Variants in CMYA5 observed in about 807,000 individuals in gnomAD.
CMYA5 encodes cardiomyopathy-associated protein 5.
A neutral mutation model predicts 318.9 loss-of-function variants in CMYA5; 246 were observed. The ratio of observed to expected loss-of-function variants is 0.77; its 90% CI spans 0.70 to 0.86. The LOEUF (loss-of-function observed/expected upper bound fraction) is 0.86. CMYA5 is among the 40% of genes least tolerant of loss of function. CMYA5 has a pLI of 0.00. For synonymous variants in CMYA5, 1,641 were observed against 1,729.5 expected (o/e 0.95, Z 1.27); for missense variants, 4,589 against 4,678.2 (o/e 0.98, Z 0.56).
At position 79,736,433 on chromosome 5, in the gene CMYA5, A is replaced by G. The variant is rs1828069651; in HGVS notation, c.7668A>G (p.Glu2556=). ...TTTCAGAAGGAAAGAAGCAGCAGGA[A>G]CATCAGCCTTATTCTGTGAATGTAG... ...YVLSEGKKQQ[E]HQPYSVNVAE... is the part of the protein sequence containing the mutation. The change falls in exon 2 of 13, where the codon GAA becomes GAG. Residue 2556 remains glutamate (E), a synonymous_variant. Coordinates refer to ENST00000446378, the MANE Select transcript of CMYA5 (RefSeq NM_153610.5). The G allele has an allele frequency of 3.7e-6, 6 of 1,609,206 alleles. No individual in the cohort carries two copies. The highest frequency in any genetic ancestry group is 5.1e-6 in the Non-Finnish European group (6 of 1,177,474).
At position 79,799,886 on chromosome 5, in the gene CMYA5, G is replaced by C; in HGVS notation, c.*270G>C. The C allele has an allele frequency of 4.1e-6, 1 of 243,240 alleles. No homozygotes were observed. Among genetic ancestry groups the C allele is most frequent in the South Asian group, 7.5e-5 (1 of 13,326 alleles). 15.1% of individuals were successfully genotyped at this position (243,240 alleles called of 1,614,324 possible). On this transcript the variant is annotated 3_prime_UTR_variant, in exon 13 of 13. Coordinates refer to ENST00000446378, the MANE Select transcript of CMYA5 (RefSeq NM_153610.5). Reference sequence around the variant, plus strand: ...TTCCTAAATTAAAAGATCTACACTTGAGTTGGGAACCGAAAGAGAAAAATG... The same window carrying C: ...TTCCTAAATTAAAAGATCTACACTTCAGTTGGGAACCGAAAGAGAAAAATG...
In CMYA5 at chr5:79,732,446, G is replaced by T. The variant is rs1211260587; in HGVS notation, c.3681G>T (p.Glu1227Asp). The change falls in exon 2 of 13, where the codon GAG (glutamate) becomes GAT (aspartate). Residue 1227 changes from glutamate (E) to aspartate (D), a missense_variant. By Grantham distance (45) the Glu-to-Asp change is conservative. Transcript: ENST00000446378. ...TAHVSQDQKM[E>D]PQPPNVPESE... ...ATGTATCACAGGATCAAAAAATGGA[G>T]CCTCAGCCTCCAAATGTTCCAGAGT... The T allele has an allele frequency of 6.2e-7, 1 of 1,613,328 alleles. No homozygotes were observed. The highest frequency in any genetic ancestry group is 8.5e-7 in the Non-Finnish European group (1 of 1,179,638).
intron 3 of CMYA5, 22 bp from the exon 4 acceptor site, chr5:79,745,200 T>A (rs773562436): frequency 1.4e-5 from 21 of 1,486,724 alleles, no homozygotes; most frequent in Admixed American, 6.3e-5. Context: ...AGAAGTGGGC[T>A]TTTTTGCTTG....
rs1257427578 is a variant in CMYA5 at position 79,738,698 on chromosome 5, G to C, written c.9933G>C (p.Val3311=). The C allele has an allele frequency of 7.4e-6, 12 of 1,613,814 alleles. No homozygotes were observed. Among genetic ancestry groups the C allele is most frequent in the Non-Finnish European group, 1.0e-5 (12 of 1,179,864 alleles). Residue 3311 remains valine (V), a synonymous_variant, in exon 2 of 13, where the codon GTG becomes GTC. Transcript: ENST00000446378. The stretch of plus-strand genomic sequence containing the variant: ...GGGAAGGAGAATCAGTAGACCATGT[G>C]GAGACCGTTGGTAACGTAGCGATGC... The part of the protein sequence containing the change: ...VYGEGESVDH[V]ETVGNVAMQK...
At chr5:79,764,401 A>T (rs1234916852) in intron 9 of CMYA5, among the ~76,000 whole-genome samples, 1 of 152,174 alleles carries the variant, frequency 6.6e-6, no homozygotes, top group Non-Finnish European at 1.5e-5. Flanking sequence ...CCAGTCTATC[A>T]TTTGGGTTGG....
rs1827903284 is a variant in CMYA5, at chr5:79,731,574, G to T, written c.2809G>T (p.Glu937Ter). The T allele has an allele frequency of 6.2e-7, 1 of 1,611,388 alleles. No homozygotes were observed. Among genetic ancestry groups the T allele is most frequent in the Non-Finnish European group, 8.5e-7 (1 of 1,178,758 alleles). ...GASSPMNLSE[E>*]DQEDIGPFSP... The stretch of plus-strand genomic sequence containing the variant: ...ATCCTCACCCATGAATTTATCAGAA[G>T]AAGATCAAGAAGACATTGGACCTTT... The change falls in exon 2 of 13, where the codon GAA (glutamate) becomes TAA (stop). Residue 937 changes from glutamate (E) to a stop codon, truncating the protein, a stop_gained. Transcript: ENST00000446378. LOFTEE classifies it high-confidence loss of function.
rs1827828237 is a variant in CMYA5 at position 79,729,537 on chromosome 5, C to T, written c.772C>T (p.His258Tyr). Residue 258 changes from histidine (H) to tyrosine (Y), a missense_variant, in exon 2 of 13, where the codon CAT (histidine) becomes TAT (tyrosine). By Grantham distance (83) the His-to-Tyr change is moderately conservative (BLOSUM62 2). Coordinates refer to ENST00000446378, the MANE Select transcript of CMYA5 (RefSeq NM_153610.5). ...LPKGYVIKEI[H>Y]YRKGKDASIS... ...AAAGGGTTATGTAATTAAAGAAATA[C>T]ATTATAGGAAAGGGAAAGATGCATC... 6.2e-7 allele frequency: 1 copy of T among 1,612,904 alleles called. No individual in the cohort carries two copies. The highest frequency in any genetic ancestry group is 8.5e-7 in the Non-Finnish European group (1 of 1,179,070).
chr5:79,756,742 C>T (rs753083779), intron 6 of CMYA5, among the ~76,000 whole-genome samples: 19 of 152,048 alleles, frequency 1.2e-4, no homozygotes, highest in Non-Finnish European at 2.4e-4. Context: ...TCATTTGTAC[C>T]TTCTTGCTGA....
chr5:79,759,872 T>C (rs191196993), intron 7 of CMYA5, among the ~76,000 whole-genome samples: 39 of 152,326 alleles, frequency 2.6e-4, no homozygotes, highest in Non-Finnish European at 4.7e-4. Context: ...GTTGGCTAAA[T>C]CTGTCTGTAA....
At chr5:79,754,678 A>G (rs1400593831) in intron 6 of CMYA5, among the ~76,000 whole-genome samples, 1 of 152,110 alleles carries the variant, frequency 6.6e-6, no homozygotes, top group East Asian at 1.9e-4. Context: ...TAAAATACAC[A>G]TAACAAAATT....
At chr5:79,773,741 C>T (rs992652853) in intron 9 of CMYA5, among the ~76,000 whole-genome samples, 2 of 152,198 alleles carry the variant, frequency 1.3e-5, no homozygotes, top group African/African-American at 2.4e-5. Context: ...TAACCAATCT[C>T]TTTTTGTCCT....
At position 79,760,025 on chromosome 5, in the gene CMYA5, G is replaced by A. The variant is rs551918547; in HGVS notation, c.11260+1123G>A. Among the ~76,000 whole-genome samples, 9 of 152,264 alleles carry A rather than the reference G, an allele frequency of 5.9e-5. No individual in the cohort carries two copies. The East Asian group carries it at 1.5e-3, about 26-fold the overall frequency. On this transcript the variant is annotated intron_variant, in intron 7 of 12. Coordinates refer to ENST00000446378, the MANE Select transcript of CMYA5 (RefSeq NM_153610.5). ...AAGGCCTTGCAACTTGTACATGACCGGGGGCAGGAGTCAAACACACATCTT... is the reference window on the plus strand; with the variant it reads ...AAGGCCTTGCAACTTGTACATGACCAGGGGCAGGAGTCAAACACACATCTT...
At chr5:79,765,858 G>T (rs982582214) in intron 9 of CMYA5, among the ~76,000 whole-genome samples, 1 of 152,202 alleles carries the variant, frequency 6.6e-6, no homozygotes, top group South Asian at 2.1e-4. Context: ...AGAATTTGCT[G>T]AAGTTGCTTA....
At position 79,733,628 on chromosome 5, in the gene CMYA5, A is replaced by T. The variant is rs773457413; in HGVS notation, c.4863A>T (p.Glu1621Asp). The change falls in exon 2 of 13, where the codon GAA becomes GAT. Residue 1621 changes from glutamate (E) to aspartate (D), a missense_variant. Physicochemically the swap from Glu to Asp is conservative, Grantham distance 45. This residue lies in a region of CMYA5 where 2,132 missense variants were observed against 2,131.3 expected (regional missense o/e 1.00). Coordinates refer to ENST00000446378, the MANE Select transcript of CMYA5 (RefSeq NM_153610.5). ...TTGCTTTGGCAGAGCTGTCTTTGGA[A>T]CCTGAGAAGAAAGACAAGCCACACC... ...QDVALAELSLEPEKKDKPHQP... is the reference protein window; with the variant it reads ...QDVALAELSLDPEKKDKPHQP... 6.2e-7 allele frequency: 1 copy of T among 1,613,296 alleles called. No homozygotes were observed. Among genetic ancestry groups the T allele is most frequent in the Non-Finnish European group, 8.5e-7 (1 of 1,179,694 alleles).
intron 1 of CMYA5, among the ~76,000 whole-genome samples, chr5:79,699,939 G>A (rs1201269943): frequency 6.6e-6 from 1 of 152,204 alleles, no homozygotes; most frequent in African/African-American, 2.4e-5. Flanking sequence ...CACCATCCTA[G>A]GTGGTCAGGG....
At position 79,734,304 on chromosome 5, in the gene CMYA5, C is replaced by T. The variant is rs761166651; in HGVS notation, c.5539C>T (p.Gln1847Ter). The T allele has an allele frequency of 6.2e-7, 1 of 1,613,644 alleles. No individual in the cohort carries two copies. Among genetic ancestry groups the T allele is most frequent in the Non-Finnish European group, 8.5e-7 (1 of 1,179,742 alleles). ...TGTAAGCACCTCTTCTGAAGATAAA[C>T]AAGATCTGGGTATTAAGCAGTTTTC... ...PDVSTSSEDK[Q>*]DLGIKQFSLM... The change falls in exon 2 of 13, where the codon CAA becomes TAA. Residue 1847 changes from glutamine (Q) to a stop codon, truncating the protein, a stop_gained. Transcript: ENST00000446378. LOFTEE classifies it high-confidence loss of function.
At chr5:79,793,169 C>A (rs141976868) in intron 11 of CMYA5, among the ~76,000 whole-genome samples, 1 of 152,162 alleles carries the variant, frequency 6.6e-6, no homozygotes, top group Non-Finnish European at 1.5e-5. Context: ...TTTCCTGATT[C>A]CCAGCTCTTT....
chr5:79,723,207 G>A (rs974517864), intron 1 of CMYA5, among the ~76,000 whole-genome samples: 4 of 151,984 alleles, frequency 2.6e-5, no homozygotes, highest in Non-Finnish European at 5.9e-5. Context: ...TTGAGAGGCC[G>A]AGGTGGGTGC....
intron 3 of CMYA5, among the ~76,000 whole-genome samples, chr5:79,744,721 T>C (rs891041085): frequency 6.6e-6 from 1 of 152,222 alleles, no homozygotes; most frequent in Non-Finnish European, 1.5e-5. Context: ...CTAGTGAGGA[T>C]AGCCAGGCAT....
Sources: gnomAD v4.1 joint callset for allele counts (sites outside exome capture counted in the v4.1 genomes callset) on GRCh38, gnomAD v4.1.1 for gene constraint, gnomAD v4.1.1 regional missense constraint, MANE v1.5 for transcripts, NCBI Gene and HGNC (gene_info 2026-07-23, HGNC 2026-07-21) for gene names.